Variants in ADAMTSL1 observed in about 807,000 individuals in gnomAD.
ADAMTSL1 encodes the protein ADAMTS-like protein 1.
Under a neutral mutation model 201.8 loss-of-function variants are expected in ADAMTSL1, and 126 were observed. The observed-to-expected ratio is 0.62, with a 90% CI of 0.54 to 0.72. ADAMTSL1 has a LOEUF of 0.72. Among genes scored for constraint, ADAMTSL1 ranks in the 30% least tolerant of loss-of-function variants. The pLI, the probability that ADAMTSL1 is intolerant of heterozygous loss-of-function variation, is 0.00. For missense variants in ADAMTSL1, 2,679 were observed against 2,277.8 expected (o/e 1.18, Z -3.59); for synonymous variants, 1,121 against 903.4 (o/e 1.24, Z -4.32).
chr9:18,261,512 C>T (rs1214560467), intron 2 of ADAMTSL1, among the ~76,000 whole-genome samples: 1 of 152,198 alleles, frequency 6.6e-6, no homozygotes, highest in African/African-American at 2.4e-5. Flanking sequence ...CACCCATGGA[C>T]ACATTGCTCT....
At chr9:18,263,513 G>A (rs535573890) in intron 2 of ADAMTSL1, among the ~76,000 whole-genome samples, 2 of 152,290 alleles carry the variant, frequency 1.3e-5, no homozygotes, top group Admixed American at 1.3e-4. Flanking sequence ...CATCAACGCA[G>A]TCAGTTCAGC....
chr9:18,902,351 A>G (rs1282721928), intron 26 of ADAMTSL1, among the ~76,000 whole-genome samples: 5 of 152,228 alleles, frequency 3.3e-5, no homozygotes, highest in Non-Finnish European at 7.3e-5. Context: ...AAAGGACTAT[A>G]TGTTATGCCA....
chr9:18,024,666 T>C (rs571200067), intron 1 of ADAMTSL1, among the ~76,000 whole-genome samples: 4 of 152,286 alleles, frequency 2.6e-5, no homozygotes, highest in South Asian at 2.1e-4. Context: ...TAGTCTACCA[T>C]TGATGGACAT....
rs562597039 is a variant in ADAMTSL1, at chr9:18,209,236, A to G, written c.207+45255A>G. On this transcript the variant is annotated intron_variant, in intron 2 of 29. Transcript: ENST00000680146. ...AAATGTTTGAGACAAAAATGCACAT[A>G]AAAATTACGTCAGACTTGTTTGTGA... Among the ~76,000 whole-genome samples the G allele has an allele frequency of 3.9e-5, 6 of 152,326 alleles. No homozygotes were observed. In the East Asian group the frequency reaches 1.2e-3, roughly 29 times the overall value.
At chr9:18,083,966 G>A (rs566003357) in intron 1 of ADAMTSL1, among the ~76,000 whole-genome samples, 2 of 152,112 alleles carry the variant, frequency 1.3e-5, no homozygotes, top group African/African-American at 2.4e-5. Context: ...AGTGAGTAAA[G>A]ATGAAATAAA....
intron 5 of ADAMTSL1, among the ~76,000 whole-genome samples, chr9:18,626,928 T>G (rs1826421000): frequency 6.7e-6 from 1 of 149,032 alleles, no homozygotes; most frequent in Non-Finnish European, 1.5e-5. Context: ...TTCTTTTTCT[T>G]TCTTTCTTTC....
At chr9:18,536,377 T>C (rs1277239410) in intron 3 of ADAMTSL1, among the ~76,000 whole-genome samples, 1 of 151,968 alleles carries the variant, frequency 6.6e-6, no homozygotes, top group Non-Finnish European at 1.5e-5. Context: ...CCGCTACATA[T>C]AACTTGTTGG....
At chr9:18,821,534 T>C (rs536474707) in intron 21 of ADAMTSL1, among the ~76,000 whole-genome samples, 1 of 152,294 alleles carries the variant, frequency 6.6e-6, no homozygotes, top group East Asian at 1.9e-4. Context: ...CAAAGGATGC[T>C]GGGGAAGGTA....
At chr9:18,663,360 A>G (rs1032952304) in intron 9 of ADAMTSL1, among the ~76,000 whole-genome samples, 1 of 152,138 alleles carries the variant, frequency 6.6e-6, no homozygotes. Context: ...TTAGCATCAT[A>G]TTACATCAGA....
intron 1 of ADAMTSL1, among the ~76,000 whole-genome samples, chr9:18,487,389 A>G (rs1822053044): frequency 6.6e-6 from 1 of 152,186 alleles, no homozygotes; most frequent in Non-Finnish European, 1.5e-5. Flanking sequence ...TAAAGTAGAT[A>G]TGCTTTGGAA....
At chr9:18,806,119 G>T (rs2131113892) in intron 20 of ADAMTSL1, among the ~76,000 whole-genome samples, 1 of 152,314 alleles carries the variant, frequency 6.6e-6, no homozygotes, top group South Asian at 2.1e-4. Context: ...AGACCCATTG[G>T]ATCCATCCAT....
chr9:18,782,693 A>G (rs1277877439), intron 19 of ADAMTSL1, among the ~76,000 whole-genome samples: 1 of 152,208 alleles, frequency 6.6e-6, no homozygotes, highest in African/African-American at 2.4e-5. Context: ...TAATAAGAGA[A>G]TGATTTGGTG....
chr9:18,641,157 C>G (rs1189393971), intron 7 of ADAMTSL1, among the ~76,000 whole-genome samples: 1 of 152,018 alleles, frequency 6.6e-6, no homozygotes, highest in African/African-American at 2.4e-5. Context: ...ACCTGGAATG[C>G]TCTTATCTTG....
rs374933679 is a variant in ADAMTSL1 at position 18,096,164 on chromosome 9, G to A, written c.88-67698G>A. Among the ~76,000 whole-genome samples, 234 of 152,152 alleles carry A rather than the reference G, an allele frequency of 1.5e-3. 7 individuals are homozygous for A. The South Asian group carries it at 0.048, about 31-fold the overall frequency. ...ATAACAGCATCATGTAAGTAATATG[G>A]CATGTACTACTTTTTTGGTCAGCTT... On this transcript the variant is annotated intron_variant, in intron 1 of 29. Transcript: ENST00000680146.
intron 1 of ADAMTSL1, among the ~76,000 whole-genome samples, chr9:17,965,496 A>G (rs1817948321): frequency 6.6e-6 from 1 of 152,192 alleles, no homozygotes; most frequent in Non-Finnish European, 1.5e-5. Context: ...TGCTATATTT[A>G]GGCTGATCTT....
At chr9:18,112,726 T>C (rs1157393560) in intron 1 of ADAMTSL1, among the ~76,000 whole-genome samples, 2 of 152,108 alleles carry the variant, frequency 1.3e-5, no homozygotes, top group East Asian at 3.9e-4. Context: ...TGGTAGACAT[T>C]TGTGGGGAAT....
At chr9:18,059,708 G>T (rs1313903506) in intron 1 of ADAMTSL1, among the ~76,000 whole-genome samples, 1 of 152,036 alleles carries the variant, frequency 6.6e-6, no homozygotes, top group African/African-American at 2.4e-5. Context: ...AATCTTACCC[G>T]GGAATGTTTG....
At chr9:18,407,223 A>C (rs1001720770) in intron 2 of ADAMTSL1, among the ~76,000 whole-genome samples, 1 of 152,242 alleles carries the variant, frequency 6.6e-6, no homozygotes, top group African/African-American at 2.4e-5. Flanking sequence ...TTTACAGAGA[A>C]GACAGACATT....
intron 3 of ADAMTSL1, among the ~76,000 whole-genome samples, chr9:18,549,454 A>G (rs1226531081): frequency 6.6e-6 from 1 of 152,060 alleles, no homozygotes; most frequent in African/African-American, 2.4e-5. Context: ...TTTCACTAAC[A>G]TAACTACTAC....
Sources: gnomAD v4.1 joint callset for allele counts (sites outside exome capture counted in the v4.1 genomes callset) on GRCh38, gnomAD v4.1.1 for gene constraint, MANE v1.5 for transcripts, NCBI Gene and HGNC (gene_info 2026-07-23, HGNC 2026-07-21) for gene names.